The following MBD5 variants were observed in gnomAD, a reference collection of about 807,000 sequenced individuals.
The protein encoded by MBD5 is methyl-CpG binding domain protein 5, also known as methyl-CpG-binding domain protein 5.
A neutral mutation model predicts 117.3 loss-of-function variants in MBD5; 13 were observed. The observed-to-expected ratio is 0.11, with a 90% CI of 0.07 to 0.18. The LOEUF is 0.18. Among genes scored for constraint, MBD5 ranks in the 10% least tolerant of loss-of-function variants. The pLI is 1.00. For missense variants in MBD5, 1,879 were observed against 2,093.8 expected, an observed-to-expected ratio of 0.90 and a Z score of 2.00; for synonymous variants, 727 against 766.4, an observed-to-expected ratio of 0.95 and a Z score of 0.85.
chr2:148,369,665 CTTT>C (rs1703799262), intron 4 of MBD5, among the ~76,000 whole-genome samples: 1 of 152,078 alleles, frequency 6.6e-6, no homozygotes, highest in Middle Eastern at 3.4e-3. Flanking sequence ...AATACTTTTT[CTTT>C]TTGTTGTAAT....
chr2:148,260,755 G>A (rs1205121295), intron 3 of MBD5: 1 of 159,734 alleles, frequency 6.3e-6, no homozygotes, highest in African/African-American at 2.4e-5. Flanking sequence ...TTTCCAGAAG[G>A]TTTTCTATTT....
chr2:148,485,151 T>G (rs1681296467), intron 9 of MBD5: 1 of 152,228 alleles, frequency 6.6e-6, no homozygotes, highest in African/African-American at 2.4e-5. Context: ...ATAATATTTA[T>G]TTTGAATGAT....
At chr2:148,200,250 C>T (rs1417733478) in intron 2 of MBD5, among the ~76,000 whole-genome samples, 2 of 151,420 alleles carry the variant, frequency 1.3e-5, no homozygotes, top group East Asian at 3.9e-4. Context: ...TGTCTGCCCA[C>T]ACTAGAAACT....
chr2:148,301,476 T>A (rs939984274), intron 3 of MBD5, among the ~76,000 whole-genome samples: 5 of 152,060 alleles, frequency 3.3e-5, no homozygotes, highest in African/African-American at 4.8e-5. Flanking sequence ...CTGAGGCAAA[T>A]TTTAGAGCAG....
At chr2:148,126,131 A>G (rs947156118) in intron 1 of MBD5, among the ~76,000 whole-genome samples, 13 of 152,116 alleles carry the variant, frequency 8.5e-5, no homozygotes, top group African/African-American at 3.1e-4. Context: ...GCAGTGGCTC[A>G]CACCTGTAAT....
At chr2:148,334,506 T>A (rs991403422) in intron 3 of MBD5, among the ~76,000 whole-genome samples, 2 of 152,038 alleles carry the variant, frequency 1.3e-5, no homozygotes, top group South Asian at 2.1e-4. Context: ...CTCCTTTTTT[T>A]AATATTTTAT....
At chr2:148,157,308 C>T (rs1368804983) in intron 1 of MBD5, among the ~76,000 whole-genome samples, 3 of 148,084 alleles carry the variant, frequency 2.0e-5, no homozygotes, top group Non-Finnish European at 4.5e-5. Flanking sequence ...CCCAAACAGG[C>T]CCCAGTGTGT....
intron 3 of MBD5, among the ~76,000 whole-genome samples, chr2:148,288,835 C>T (rs773869094): frequency 3.9e-5 from 6 of 152,078 alleles, no homozygotes; most frequent in Non-Finnish European, 8.8e-5. Flanking sequence ...AAGGCTGATG[C>T]TTATGGTTCA....
At chr2:148,450,640 G>T (rs1156332608) in intron 4 of MBD5, among the ~76,000 whole-genome samples, 1 of 152,172 alleles carries the variant, frequency 6.6e-6, no homozygotes, top group Non-Finnish European at 1.5e-5. Context: ...AAGAGCGAAA[G>T]TTATAAGGCC....
chr2:148,397,929 T>A (rs1358482254), intron 4 of MBD5, among the ~76,000 whole-genome samples: 1 of 152,140 alleles, frequency 6.6e-6, no homozygotes, highest in Non-Finnish European at 1.5e-5. Flanking sequence ...TTGCGATAGT[T>A]TGCAGAGAAT....
chr2:148,335,763 T>A (rs992884363), intron 3 of MBD5, among the ~76,000 whole-genome samples: 1 of 151,888 alleles, frequency 6.6e-6, no homozygotes, highest in Non-Finnish European at 1.5e-5. Context: ...AAATAAACTT[T>A]AGAGAAAGAA....
intron 3 of MBD5, among the ~76,000 whole-genome samples, chr2:148,285,148 A>G (rs1213357292): frequency 2.0e-5 from 3 of 152,208 alleles, no homozygotes; most frequent in Non-Finnish European, 2.9e-5. Context: ...TTTTAATCAT[A>G]TTTCAAAGCA....
chr2:148,230,310 G>A (rs1699951905), intron 2 of MBD5, among the ~76,000 whole-genome samples: 1 of 152,154 alleles, frequency 6.6e-6, no homozygotes, highest in African/African-American at 2.4e-5. Context: ...AAAGGCAGAA[G>A]AGCCTCACCC....
At chr2:148,143,228 A>G (rs927625168) in intron 1 of MBD5, among the ~76,000 whole-genome samples, 1 of 152,202 alleles carries the variant, frequency 6.6e-6, no homozygotes, top group Admixed American at 6.5e-5. Context: ...TGGTTTCATT[A>G]TACCTGGTTT....
Position 148,125,783 on chromosome 2 carries a change from A to T in MBD5, c.-924-52917A>T, listed in dbSNP as rs139261982. Among the ~76,000 whole-genome samples, 1,148 of 152,338 alleles carry T rather than the reference A, an allele frequency of 7.5e-3. 9 individuals carry two copies. The highest frequency in any genetic ancestry group is 0.026 in the African/African-American group (1,068 of 41,570). On this transcript the variant is annotated intron_variant, in intron 1 of 13. Transcript: ENST00000642680. ...CCTTGATGTCTGGGACTGTGTAGCTAACACAAGGGCTATGGCTGCCACTTA... is the reference window on the plus strand; with the variant it reads ...CCTTGATGTCTGGGACTGTGTAGCTTACACAAGGGCTATGGCTGCCACTTA...
intron 1 of MBD5, among the ~76,000 whole-genome samples, chr2:148,023,325 A>G (rs962324179): frequency 2.6e-5 from 4 of 152,182 alleles, no homozygotes; most frequent in Non-Finnish European, 4.4e-5. Context: ...TAAAACATAT[A>G]TTTTAGTGAC....
intron 3 of MBD5, among the ~76,000 whole-genome samples, chr2:148,257,116 G>T (rs1169172103): frequency 6.6e-6 from 1 of 152,172 alleles, no homozygotes; most frequent in Non-Finnish European, 1.5e-5. Context: ...CCCTTCCATA[G>T]TTGGGACCAA....
intron 2 of MBD5, among the ~76,000 whole-genome samples, chr2:148,229,724 A>G (rs1364773651): frequency 6.6e-6 from 1 of 152,202 alleles, no homozygotes; most frequent in African/African-American, 2.4e-5. Flanking sequence ...GGGGCACCAC[A>G]AGCCTGGTAA....
chr2:148,146,995 T>A (rs558031933), intron 1 of MBD5, among the ~76,000 whole-genome samples: 1 of 152,240 alleles, frequency 6.6e-6, no homozygotes, highest in African/African-American at 2.4e-5. Flanking sequence ...TTCTTTTTAC[T>A]GTTATTTTCT....
Sources: gnomAD v4.1 joint callset for allele counts (sites outside exome capture counted in the v4.1 genomes callset) on GRCh38, gnomAD v4.1.1 for gene constraint, MANE v1.5 for transcripts, NCBI Gene and HGNC (gene_info 2026-07-23, HGNC 2026-07-21) for gene names.